DNAJC4: variants seen among roughly 807,000 people sequenced by gnomAD.
DNAJC4 encodes DnaJ heat shock protein family (Hsp40) member C4.
In DNAJC4, 26 loss-of-function variants were observed where a neutral mutation model predicts 26.8. The ratio of observed to expected loss-of-function variants is 0.97; its 90% CI spans 0.71 to 1.34. The LOEUF is 1.34. Among genes scored for constraint, DNAJC4 ranks in the 40% most tolerant of loss-of-function variants. DNAJC4 has a pLI of 0.00. For synonymous variants in DNAJC4, 134 were observed against 127.8 expected (o/e 1.05, Z -0.33); for missense variants, 342 against 321.1 (o/e 1.07, Z -0.50).
At position 64,232,883 on chromosome 11, in the gene DNAJC4, C is replaced by CG; in HGVS notation, c.527+22dup. 6.4e-7 allele frequency: 1 copy of CG among 1,554,684 alleles called. No homozygotes were observed. The highest frequency in any genetic ancestry group is 1.2e-5 in the South Asian group (1 of 82,432). Reference sequence around the variant, plus strand: ...GCCTTCAGGTGATGCCTGTTCTCCCCGGGGTGATGGGCAGAGGGCAGGAGG... The same window carrying CG: ...GCCTTCAGGTGATGCCTGTTCTCCCCGGGGGTGATGGGCAGAGGGCAGGAGG... On this transcript the variant is annotated intron_variant, in intron 4 of 5. Coordinates refer to ENST00000628077, the MANE Select transcript of DNAJC4 (RefSeq NM_005528.4).
At position 64,230,894 on chromosome 11, in the gene DNAJC4, C is replaced by T. The variant is rs1249364732; in HGVS notation, c.40C>T (p.Pro14Ser). The change falls in exon 1 of 6, where the codon CCC (proline) becomes TCC (serine). Residue 14 changes from proline to serine, a missense_variant. By Grantham distance (74) the Pro-to-Ser change is moderately conservative (BLOSUM62 -1). Coordinates refer to ENST00000628077, the MANE Select transcript of DNAJC4 (RefSeq NM_005528.4). ...GCCCCTGCGCCTGTGCCGGCTGTGG[C>T]CCCGCAACCCTCCCTCCCGGCTCCT... is the stretch of plus-strand genomic sequence containing the variant. ...LLPLRLCRLWPRNPPSRLLGA... is the reference protein window; with the variant it reads ...LLPLRLCRLWSRNPPSRLLGA... The T allele has an allele frequency of 6.3e-7, 1 of 1,592,922 alleles. No individual in the cohort carries two copies.
At position 64,234,185 on chromosome 11, in the gene DNAJC4, G is replaced by A; in HGVS notation, c.*1G>A. 6.4e-7 allele frequency: 1 copy of A among 1,555,794 alleles called. No individual in the cohort carries two copies. The highest frequency in any genetic ancestry group is 1.2e-5 in the South Asian group (1 of 86,074). On this transcript the variant is annotated 3_prime_UTR_variant, in exon 6 of 6. Transcript: ENST00000628077. The surrounding 1 kb of genome is among the most constrained non-coding windows in gnomAD (Gnocchi z 5.3). ...CGTGCCCCGGGGCGCCGGCCCCTGA[G>A]GGGCTCACCTGGATGGGGCCTGCAG...
chr11:64,233,272 T>C (rs607873), intron 4 of DNAJC4, among the ~76,000 whole-genome samples: 144,467 of 151,718 alleles, frequency 0.95, 69,093 homozygotes, highest in Middle Eastern at 1. Flanking sequence ...CTCACTCTGT[T>C]GCCCAGGCTG....
intron 2 of DNAJC4, 145 bp from the exon 3 acceptor site, chr11:64,232,284 TC>T (rs1457088619): frequency 2.7e-5 from 28 of 1,052,354 alleles, no homozygotes; most frequent in Non-Finnish European, 3.7e-5. Flanking sequence ...TCTCTGGCCT[TC>T]TGAGGAGTGG....
chr11:64,233,866 T>C (rs755886031), intron 4 of DNAJC4, 28 bp from the exon 5 acceptor site: 2 of 1,606,696 alleles, frequency 1.2e-6, no homozygotes, highest in Non-Finnish European at 1.7e-6. Flanking sequence ...GGAATTGGAT[T>C]CCCAGGGTTA....
chr11:64,232,494 C>A lies in DNAJC4; in HGVS notation c.245C>A (p.Ala82Glu). 3 of 1,612,552 alleles carry A rather than the reference C, an allele frequency of 1.9e-6. No homozygotes were observed. Among genetic ancestry groups the A allele is most frequent in the Non-Finnish European group, 2.5e-6 (3 of 1,178,890 alleles). ...LHSRFVELSE[A>E]YRVLSREQSR... ...AGCCGCTTTGTGGAGCTGAGCGAGG[C>A]ATACCGTGTGCTCAGCCGTGAGCAG... Residue 82 changes from alanine (A) to glutamate (E), a missense_variant, in exon 3 of 6, where the codon GCA becomes GAA. Ala to Glu is a moderately radical substitution (Grantham distance 107). Coordinates refer to ENST00000628077, the MANE Select transcript of DNAJC4 (RefSeq NM_005528.4).
At chr11:64,231,642 G>A (rs1402282993) in intron 1 of DNAJC4, 4 of 506,996 alleles carry the variant, frequency 7.9e-6, no homozygotes, top group African/African-American at 7.6e-5. Context: ...GCCTGTCCAG[G>A]AATCAGTTTT....
rs566969222 is a variant in DNAJC4, at chr11:64,230,778, C to T, written c.-77C>T. On this transcript the variant is annotated 5_prime_UTR_variant, in exon 1 of 6. Transcript: ENST00000628077. ...GGGCCAGGCCCCTTCCCTCTGCCCC[C>T]GGGTGCTTGAAGTCTAGCCCCATCC... 4 of 1,528,172 alleles carry T rather than the reference C, an allele frequency of 2.6e-6. No homozygotes were observed. Among genetic ancestry groups the T allele is most frequent in the East Asian group, 4.8e-5 (2 of 41,256 alleles). The allele number at this position is 1,528,172 out of a possible 1,614,324, so 94.7% of individuals were successfully genotyped here. A position where few individuals can be genotyped will look rare whatever the true frequency, so the allele number is the denominator to read the frequency against.
chr11:64,232,944 C>T, intron 4 of DNAJC4, 79 bp downstream of exon 4: 1 of 1,458,894 alleles, frequency 6.9e-7, no homozygotes, highest in Non-Finnish European at 9.1e-7. Context: ...CAGTCCTCCA[C>T]AGCACCTCGT....
chr11:64,233,036 C>G (rs1443259854), intron 4 of DNAJC4, 171 bp downstream of exon 4: 8 of 614,322 alleles, frequency 1.3e-5, no homozygotes. Context: ...AAAGGCAGCG[C>G]TGCACCAAGA....
At chr11:64,232,147 A>T (rs577922908) in intron 2 of DNAJC4, 183 bp downstream of exon 2, 177 of 730,218 alleles carry the variant, frequency 2.4e-4, no homozygotes, top group Admixed American at 4.7e-4. Context: ...GTCCTGTCTG[A>T]TGGGCTGGGC....
chr11:64,234,265 A>T lies in DNAJC4; in HGVS notation c.*81A>T. 1 of 1,475,504 alleles carries T rather than the reference A, an allele frequency of 6.8e-7. No individual in the cohort carries two copies. Among genetic ancestry groups the T allele is most frequent in the East Asian group, 2.5e-5 (1 of 40,494 alleles). The allele number at this position is 1,475,504 out of a possible 1,614,324, so 91.4% of individuals were successfully genotyped here. A position where few individuals can be genotyped will look rare whatever the true frequency, so the allele number is the denominator to read the frequency against. On this transcript the variant is annotated 3_prime_UTR_variant, in exon 6 of 6. Coordinates refer to ENST00000628077, the MANE Select transcript of DNAJC4 (RefSeq NM_005528.4). This position sits in a 1 kb window ranked among gnomAD's most constrained non-coding sequence, Gnocchi z 5.3. ...CGGCCCGCTCCCCGAAACGCGCGCA[A>T]TAAAGTGATTCGCAGAGCTCGTGTC...
In DNAJC4 at chr11:64,230,693, G is replaced by C; in HGVS notation, c.-162G>C. On this transcript the variant is annotated 5_prime_UTR_variant, in exon 1 of 6. Transcript: ENST00000628077. Reference sequence around the variant, plus strand: ...GGCAGGTCCAAGGACACGCGGGTCTGGTCCTGGGCAAGAACCGCCCCCTCT... The same window carrying C: ...GGCAGGTCCAAGGACACGCGGGTCTCGTCCTGGGCAAGAACCGCCCCCTCT... 1.1e-6 allele frequency: 1 copy of C among 940,234 alleles called. No individual in the cohort carries two copies. The highest frequency in any genetic ancestry group is 1.6e-6 in the Non-Finnish European group (1 of 618,910). 58.2% of individuals were successfully genotyped at this position (940,234 alleles called of 1,614,324 possible). A position where few individuals can be genotyped will look rare whatever the true frequency, so the allele number is the denominator to read the frequency against.
intron 2 of DNAJC4, 136 bp from the exon 3 acceptor site, chr11:64,232,294 G>T: frequency 8.8e-7 from 1 of 1,135,592 alleles, no homozygotes. Flanking sequence ...TCTGAGGAGT[G>T]GGCAGGCCTG....
At position 64,230,775 on chromosome 11, in the gene DNAJC4, C is replaced by T. The variant is rs1029586450; in HGVS notation, c.-80C>T. On this transcript the variant is annotated 5_prime_UTR_variant, in exon 1 of 6. Coordinates refer to ENST00000628077, the MANE Select transcript of DNAJC4 (RefSeq NM_005528.4). ...AACGGGCCAGGCCCCTTCCCTCTGC[C>T]CCCGGGTGCTTGAAGTCTAGCCCCA... The T allele has an allele frequency of 2.0e-6, 3 of 1,526,314 alleles. No homozygotes were observed. Among genetic ancestry groups the T allele is most frequent in the Non-Finnish European group, 2.7e-6 (3 of 1,131,270 alleles). The allele number at this position is 1,526,314 out of a possible 1,614,324, so 94.5% of individuals were successfully genotyped here. A position where few individuals can be genotyped will look rare whatever the true frequency, so the allele number is the denominator to read the frequency against.
intron 4 of DNAJC4, among the ~76,000 whole-genome samples, chr11:64,233,204 C>A (rs1178302191): frequency 1.3e-5 from 2 of 152,036 alleles, no homozygotes; most frequent in African/African-American, 4.8e-5. Flanking sequence ...CTCACGCGTG[C>A]CACGGAGCTG....
Position 64,230,930 on chromosome 11 carries a change from G to T in DNAJC4, c.76G>T (p.Ala26Ser). 1 of 1,557,550 alleles carries T rather than the reference G, an allele frequency of 6.4e-7. No homozygotes were observed. Among genetic ancestry groups the T allele is most frequent in the Non-Finnish European group, 8.6e-7 (1 of 1,157,260 alleles). Residue 26 changes from alanine to serine, a missense_variant, in exon 1 of 6, where the codon GCC (alanine) becomes TCC (serine). By Grantham distance (99) the Ala-to-Ser change is moderately conservative. Coordinates refer to ENST00000628077, the MANE Select transcript of DNAJC4 (RefSeq NM_005528.4). ...TCCCTCCCGGCTCCTCGGAGCGGCC[G>T]CCGGGCAGCGGTGAGTTGGGCGCGG... ...NPPSRLLGAA[A>S]GQRSRPSTYY...
Position 64,230,926 on chromosome 11 carries a change from G to A in DNAJC4, c.72G>A (p.Ala24=). 6.4e-7 allele frequency: 1 copy of A among 1,562,656 alleles called. No homozygotes were observed. Residue 24 remains alanine (A), a synonymous_variant, in exon 1 of 6, where the codon GCG becomes GCA. Coordinates refer to ENST00000628077, the MANE Select transcript of DNAJC4 (RefSeq NM_005528.4). ...PRNPPSRLLG[A]AAGQRSRPST... is the part of the protein sequence containing the mutation. ...ACCCTCCCTCCCGGCTCCTCGGAGC[G>A]GCCGCCGGGCAGCGGTGAGTTGGGC...
At chr11:64,231,584 G>T (rs1328845087) in intron 1 of DNAJC4, 2 of 319,974 alleles carry the variant, frequency 6.3e-6, no homozygotes, top group Non-Finnish European at 1.2e-5. Flanking sequence ...CAGGTGATCC[G>T]CCCTCCTCGG....
Sources: allele counts gnomAD v4.1 joint callset (sites outside exome capture counted in the v4.1 genomes callset), GRCh38; gene constraint gnomAD v4.1.1; non-coding constraint Gnocchi (gnomAD v3.1); transcripts MANE v1.5; gene names NCBI Gene and HGNC (gene_info 2026-07-23, HGNC 2026-07-21).